The following LCLAT1 variants were observed in gnomAD, a reference collection of about 807,000 sequenced individuals.
LCLAT1 encodes the protein 1-AGP acyltransferase 8.
A neutral mutation model predicts 30.7 loss-of-function variants in LCLAT1; 11 were observed. The ratio of observed to expected loss-of-function variants is 0.36; its 90% confidence interval spans 0.23 to 0.59. The LOEUF is 0.59. Among genes scored for constraint, LCLAT1 ranks in the 20% least tolerant of loss-of-function variants. The probability of loss-of-function intolerance (pLI) is 0.77; values close to 1 mark genes in which losing one functional copy is unlikely to be tolerated. For synonymous variants in LCLAT1, 155 were observed against 151.3 expected (o/e 1.02, Z -0.18); for missense variants, 402 against 458.6 (o/e 0.88, Z 1.13).
chr2:30,571,967 G>A (rs1665797739), intron 5 of LCLAT1, among the ~76,000 whole-genome samples: 1 of 152,178 alleles, frequency 6.6e-6, no homozygotes, highest in Non-Finnish European at 1.5e-5. Flanking sequence ...GTACACTGAT[G>A]AGTGGATAAG....
At chr2:30,463,559 G>T (rs1335222652) in intron 1 of LCLAT1, among the ~76,000 whole-genome samples, 3 of 152,126 alleles carry the variant, frequency 2.0e-5, no homozygotes, top group African/African-American at 4.8e-5. Flanking sequence ...ATTTGAAAAA[G>T]AATTGCCTCT....
chr2:30,629,482 C>T (rs1572717796), intron 5 of LCLAT1, among the ~76,000 whole-genome samples: 1 of 152,130 alleles, frequency 6.6e-6, no homozygotes, highest in South Asian at 2.1e-4. Context: ...ATCGCTTGAA[C>T]CCGGGAAGTG....
chr2:30,460,338 A>T (rs829572), intron 1 of LCLAT1, among the ~76,000 whole-genome samples: 152,330 of 152,334 alleles, frequency 1, 76,163 homozygotes, highest in Middle Eastern at 1. Flanking sequence ...ATATTCAGTT[A>T]CCTGCCAGGT....
chr2:30,452,763 G>A (rs1681623395), intron 1 of LCLAT1, among the ~76,000 whole-genome samples: 1 of 152,148 alleles, frequency 6.6e-6, no homozygotes, highest in Non-Finnish European at 1.5e-5. Flanking sequence ...TTTGGCTGCA[G>A]GATTTTTAAT....
intron 1 of LCLAT1, among the ~76,000 whole-genome samples, chr2:30,449,253 T>G (rs939731173): frequency 1.3e-5 from 2 of 152,190 alleles, no homozygotes; most frequent in Non-Finnish European, 2.9e-5. Context: ...CATGTACAAA[T>G]TTTTCATTTT....
intron 1 of LCLAT1, among the ~76,000 whole-genome samples, chr2:30,481,464 G>T (rs1011968817): frequency 1.4e-5 from 2 of 142,764 alleles, no homozygotes; most frequent in African/African-American, 5.1e-5. Context: ...TCTGGTAGAG[G>T]AGGGGGAGCC....
intron 1 of LCLAT1, among the ~76,000 whole-genome samples, chr2:30,484,238 A>T (rs917578089): frequency 3.9e-5 from 6 of 152,172 alleles, no homozygotes; most frequent in Non-Finnish European, 7.4e-5. Flanking sequence ...GAGATTTGTT[A>T]CCATTCATTG....
chr2:30,620,506 C>A (rs1356142878), intron 5 of LCLAT1, among the ~76,000 whole-genome samples: 1 of 152,196 alleles, frequency 6.6e-6, no homozygotes, highest in Admixed American at 6.5e-5. Flanking sequence ...TCCATAGGAA[C>A]CTGCAGTTCA....
chr2:30,538,711 T>C (rs1663942702), intron 3 of LCLAT1, among the ~76,000 whole-genome samples: 1 of 149,132 alleles, frequency 6.7e-6, no homozygotes, highest in South Asian at 2.2e-4. Flanking sequence ...TTACAACTGA[T>C]ACCACAGAAA....
chr2:30,486,965 TAAC>T (rs1683588143), intron 1 of LCLAT1, among the ~76,000 whole-genome samples: 1 of 152,228 alleles, frequency 6.6e-6, no homozygotes, highest in African/African-American at 2.4e-5. Flanking sequence ...CCTACTATAA[TAAC>T]ACTACTTTCT....
At chr2:30,484,765 A>G (rs769062191) in intron 1 of LCLAT1, among the ~76,000 whole-genome samples, 13 of 149,612 alleles carry the variant, frequency 8.7e-5, no homozygotes, top group Non-Finnish European at 1.8e-4. Flanking sequence ...GTAACATTTG[A>G]CAGTTTTAAA....
intron 5 of LCLAT1, among the ~76,000 whole-genome samples, chr2:30,587,851 A>C (rs566732341): frequency 6.6e-6 from 1 of 152,276 alleles, no homozygotes; most frequent in Admixed American, 6.5e-5. Flanking sequence ...AAGATCAATG[A>C]TTAAAAGATA....
intron 5 of LCLAT1, among the ~76,000 whole-genome samples, chr2:30,589,123 T>C (rs1394260462): frequency 6.6e-6 from 1 of 152,244 alleles, no homozygotes; most frequent in Non-Finnish European, 1.5e-5. Flanking sequence ...GCTTTCCAGT[T>C]CATCAGATAT....
rs747455763 is a variant in LCLAT1, at chr2:30,525,576, A to G, written c.-4-11A>G. The G allele has an allele frequency of 3.1e-6, 5 of 1,604,024 alleles. No individual in the cohort carries two copies. The highest frequency in any genetic ancestry group is 1.1e-5 in the South Asian group (1 of 90,750). On this transcript the variant is annotated splice_polypyrimidine_tract_variant and intron_variant, in intron 1 of 5. Transcript: ENST00000379509. Reference sequence around the variant, plus strand: ...ATAGTAACAAAATATATCCTTTTTTATATCTTTCAGAATCATGGTGTCATG... The same window carrying G: ...ATAGTAACAAAATATATCCTTTTTTGTATCTTTCAGAATCATGGTGTCATG...
At chr2:30,547,235 T>C (rs1005907085) in intron 3 of LCLAT1, among the ~76,000 whole-genome samples, 4 of 152,226 alleles carry the variant, frequency 2.6e-5, no homozygotes, top group South Asian at 2.1e-4. Context: ...TAGCTACTTA[T>C]TAACTATGCT....
At chr2:30,494,845 T>C (rs1311745234) in intron 1 of LCLAT1, among the ~76,000 whole-genome samples, 1 of 151,878 alleles carries the variant, frequency 6.6e-6, no homozygotes, top group Non-Finnish European at 1.5e-5. Flanking sequence ...TTTTTGAAAT[T>C]TATCACTGAT....
intron 2 of LCLAT1, among the ~76,000 whole-genome samples, chr2:30,526,069 A>G (rs1016784896): frequency 1.3e-5 from 2 of 152,190 alleles, no homozygotes; most frequent in Admixed American, 1.3e-4. Context: ...GGTTGAATTC[A>G]CAAATGCTGA....
intron 5 of LCLAT1, among the ~76,000 whole-genome samples, chr2:30,571,780 C>T (rs1039224339): frequency 3.3e-5 from 5 of 152,146 alleles, no homozygotes; most frequent in South Asian, 2.1e-4. Context: ...TAAGACCTTC[C>T]GTTATGTTAA....
chr2:30,636,385 A>G (rs542834592), intron 5 of LCLAT1, among the ~76,000 whole-genome samples: 1 of 152,298 alleles, frequency 6.6e-6, no homozygotes, highest in African/African-American at 2.4e-5. Flanking sequence ...AAAGTTAGAG[A>G]AAAAGGGTAC....
Sources: gnomAD v4.1 joint callset for allele counts (sites outside exome capture counted in the v4.1 genomes callset) on GRCh38, gnomAD v4.1.1 for gene constraint, MANE v1.5 for transcripts, NCBI Gene and HGNC (gene_info 2026-07-23, HGNC 2026-07-21) for gene names.